Variants in LRRC32 observed in about 807,000 individuals in gnomAD.
LRRC32 encodes transforming growth factor beta activator LRRC32.
Under a neutral mutation model 15.0 loss-of-function variants are expected in LRRC32, and 5 were observed. That is an observed-to-expected ratio of 0.33 (90% CI 0.17 to 0.70). LRRC32 has a LOEUF of 0.70. Among genes scored for constraint, LRRC32 ranks in the 30% least tolerant of loss-of-function variants. LRRC32 has a pLI of 0.66. For synonymous variants in LRRC32, 391 were observed against 403.9 expected (o/e 0.97, Z 0.38); for missense variants, 803 against 854.2 (o/e 0.94, Z 0.75).
chr11:76,664,135 G>C (rs972364459), intron 2 of LRRC32, among the ~76,000 whole-genome samples: 1 of 152,192 alleles, frequency 6.6e-6, no homozygotes, highest in African/African-American at 2.4e-5. Context: ...GATAGGCAAA[G>C]GCTCCCTGGG....
chr11:76,668,509 G>A (rs2120112927), intron 1 of LRRC32, among the ~76,000 whole-genome samples: 1 of 152,242 alleles, frequency 6.6e-6, no homozygotes. Flanking sequence ...CCACATTCCA[G>A]CTTTCCTGCT....
At chr11:76,666,887 G>A (rs111656272) in intron 1 of LRRC32, among the ~76,000 whole-genome samples, 4 of 152,334 alleles carry the variant, frequency 2.6e-5, no homozygotes, top group African/African-American at 9.6e-5. Flanking sequence ...AAATGAACAC[G>A]AAAAAGAAGT....
chr11:76,667,115 T>A (rs1952638316), intron 1 of LRRC32, among the ~76,000 whole-genome samples: 1 of 152,272 alleles, frequency 6.6e-6, no homozygotes, highest in South Asian at 2.1e-4. Context: ...TCAAACGAGA[T>A]GCCACCTACA....
At position 76,659,813 on chromosome 11, in the gene LRRC32, C is replaced by T. The variant is rs200290754; in HGVS notation, c.1780G>A (p.Ala594Thr). Residue 594 changes from alanine (A) to threonine (T), a missense_variant, in exon 3 of 3, where the codon GCC becomes ACC. Coordinates refer to ENST00000260061, the MANE Select transcript of LRRC32 (RefSeq NM_001128922.2). ...AAGCGGCAGATCAGGTCCTGGGTGG[C>T]GTCCACGTCCACACGGCCCTGGTGC... ...QLHQGRVDVDATQDLICRFSS... is the reference protein window; with the variant it reads ...QLHQGRVDVDTTQDLICRFSS... 2.0e-5 allele frequency: 33 copies of T among 1,614,080 alleles called. No homozygotes were observed. The East Asian group carries it at 2.7e-4, about 13-fold the overall frequency.
Position 76,661,101 on chromosome 11 carries a change from G to C in LRRC32, c.492C>G (p.Leu164=), listed in dbSNP as rs1324035161. The part of the protein sequence containing the change: ...LSLAENSLTR[L]TRHTFRDMPA... ...GCATGTCCCGGAAGGTGTGGCGGGT[G>C]AGGCGAGTCAGACTGTTCTCCGCCA... The change falls in exon 3 of 3, where the codon CTC becomes CTG. Residue 164 remains leucine, a synonymous_variant. Transcript: ENST00000260061. The C allele has an allele frequency of 6.2e-7, 1 of 1,613,850 alleles. No individual in the cohort carries two copies. The highest frequency in any genetic ancestry group is 8.5e-7 in the Non-Finnish European group (1 of 1,180,024).
chr11:76,659,011 AG>A lies in LRRC32; in HGVS notation c.*592del, dbSNP rs762251037. The A allele has an allele frequency of 5.8e-5, 9 of 154,644 alleles. No homozygotes were observed. Among genetic ancestry groups the A allele is most frequent in the Non-Finnish European group, 1.1e-4 (8 of 69,580 alleles). The allele number at this position is 154,644 out of a possible 1,614,324, so 9.6% of individuals were successfully genotyped here. A position where few individuals can be genotyped will look rare whatever the true frequency, so the allele number is the denominator to read the frequency against. On this transcript the variant is annotated 3_prime_UTR_variant, in exon 3 of 3. Transcript: ENST00000260061. ...GCTCCAATTCTCTCTTCTGGTCCTAAGCTTTTCATTTTCAGAGAGACTGAAA... is the reference window on the plus strand; with the variant it reads ...GCTCCAATTCTCTCTTCTGGTCCTAACTTTTCATTTTCAGAGAGACTGAAA...
Position 76,670,742 on chromosome 11 carries a change from C to G in LRRC32, c.-133G>C, listed in dbSNP as rs1235293998. The stretch of plus-strand genomic sequence containing the variant: ...GAGGAGGAGCAGGCCGCTCAGCTGC[C>G]CCACCGGAGCCCCCGCGCTCCGGCT... On this transcript the variant is annotated 5_prime_UTR_variant, in exon 1 of 3. Coordinates refer to ENST00000260061, the MANE Select transcript of LRRC32 (RefSeq NM_001128922.2). 1 of 152,174 alleles carries G rather than the reference C, an allele frequency of 6.6e-6. No individual in the cohort carries two copies. Among genetic ancestry groups the G allele is most frequent in the Non-Finnish European group, 1.5e-5 (1 of 68,036 alleles). 9.4% of individuals were successfully genotyped at this position (152,174 alleles called of 1,614,324 possible).
Position 76,661,317 on chromosome 11 carries a change from G to A in LRRC32, c.276C>T (p.Ala92=). The A allele has an allele frequency of 6.2e-7, 1 of 1,614,222 alleles. No homozygotes were observed. The highest frequency in any genetic ancestry group is 8.5e-7 in the Non-Finnish European group (1 of 1,180,038). The change falls in exon 3 of 3, where the codon GCC becomes GCT. Residue 92 remains alanine, a synonymous_variant. Transcript: ENST00000260061. The part of the protein sequence containing the change: ...TNEISFLQPG[A]FQALTHLEHL... ...GCTCCAGGTGGGTCAGGGCCTGGAA[G>A]GCTCCTGGCTGGAGGAAGCTGATCT...
Position 76,659,593 on chromosome 11 carries a change from T to A in LRRC32, c.*11A>T. On this transcript the variant is annotated 3_prime_UTR_variant, in exon 3 of 3. Coordinates refer to ENST00000260061, the MANE Select transcript of LRRC32 (RefSeq NM_001128922.2). ...GGCTCCCCCACTGACCTAGAGTGTCTCCCGGCTTCTTTAGGCTTTATACTG... is the reference window on the plus strand; with the variant it reads ...GGCTCCCCCACTGACCTAGAGTGTCACCCGGCTTCTTTAGGCTTTATACTG... 6.2e-7 allele frequency: 1 copy of A among 1,611,352 alleles called. No individual in the cohort carries two copies. The highest frequency in any genetic ancestry group is 8.5e-7 in the Non-Finnish European group (1 of 1,178,320).
chr11:76,660,293 A>G lies in LRRC32; in HGVS notation c.1300T>C (p.Ser434Pro). 6.3e-7 allele frequency: 1 copy of G among 1,585,230 alleles called. No homozygotes were observed. Among genetic ancestry groups the G allele is most frequent in the Non-Finnish European group, 8.6e-7 (1 of 1,167,842 alleles). ...PCGGPDEPGP[S>P]GCVAFSGITS... Reference sequence around the variant, plus strand: ...ATGCCGGAGAAGGCCACACAGCCGGAGGGGCCAGGCTCATCTGGCCCCCCA... The same window carrying G: ...ATGCCGGAGAAGGCCACACAGCCGGGGGGGCCAGGCTCATCTGGCCCCCCA... The change falls in exon 3 of 3, where the codon TCC (serine) becomes CCC (proline). Residue 434 changes from serine to proline, a missense_variant. Ser to Pro is a moderately conservative substitution (Grantham distance 74). Transcript: ENST00000260061.
chr11:76,664,693 T>C (rs1952595259), intron 2 of LRRC32, among the ~76,000 whole-genome samples: 2 of 152,204 alleles, frequency 1.3e-5, no homozygotes, highest in African/African-American at 2.4e-5. Flanking sequence ...TGCTTTCCTA[T>C]CTCTTATCTC....
chr11:76,666,709 A>C (rs1952632539), intron 1 of LRRC32, among the ~76,000 whole-genome samples: 1 of 152,230 alleles, frequency 6.6e-6, no homozygotes, highest in Non-Finnish European at 1.5e-5. Context: ...GGCCCTTAGC[A>C]GGGTTAAATC....
In LRRC32 at chr11:76,660,557, G is replaced by A; in HGVS notation, c.1036C>T (p.Leu346Phe). The A allele has an allele frequency of 6.2e-7, 1 of 1,614,228 alleles. No individual in the cohort carries two copies. Among genetic ancestry groups the A allele is most frequent in the South Asian group, 1.1e-5 (1 of 91,082 alleles). ...AAGGTCCGCAAGCAGTTTCTGCTGA[G>A]GTTCAGGAAGCACAGGGAGGTCAGG... Reference protein sequence around the residue: ...EHLTSLCFLNLSRNCLRTFEA... With the variant: ...EHLTSLCFLNFSRNCLRTFEA... The change falls in exon 3 of 3, where the codon CTC becomes TTC. Residue 346 changes from leucine (L) to phenylalanine (F), a missense_variant. Coordinates refer to ENST00000260061, the MANE Select transcript of LRRC32 (RefSeq NM_001128922.2).
chr11:76,664,899 G>A (rs1431609857), intron 2 of LRRC32, among the ~76,000 whole-genome samples: 2 of 152,216 alleles, frequency 1.3e-5, no homozygotes, highest in Non-Finnish European at 2.9e-5. Context: ...GTGGCAACAG[G>A]AGACATTGCA....
At chr11:76,666,352 G>T (rs115474694) in intron 1 of LRRC32, among the ~76,000 whole-genome samples, 3 of 149,440 alleles carry the variant, frequency 2.0e-5, no homozygotes, top group African/African-American at 7.4e-5. Context: ...TGTAGAGGGG[G>T]TTTGGAGGGT....
rs928986783 is a variant in LRRC32 at position 76,659,518 on chromosome 11, C to G, written c.*86G>C. 1.6e-5 allele frequency: 22 copies of G among 1,412,498 alleles called. No individual in the cohort carries two copies. Among genetic ancestry groups the G allele is most frequent in the Middle Eastern group, 2.5e-4 (1 of 4,032 alleles). The allele number at this position is 1,412,498 out of a possible 1,614,324, so 87.5% of individuals were successfully genotyped here. On this transcript the variant is annotated 3_prime_UTR_variant, in exon 3 of 3. Transcript: ENST00000260061. ...ATTTGGAGACCAGAGTTCTGGGATC[C>G]CGGATCACTGTGTGACCTTGAGTCA... is the stretch of plus-strand genomic sequence containing the variant.
chr11:76,659,715 G>T lies in LRRC32; in HGVS notation c.1878C>A (p.Ile626=). Residue 626 remains isoleucine, a synonymous_variant, in exon 3 of 3, where the codon ATC becomes ATA. Transcript: ENST00000260061. The part of the protein sequence containing the change: ...EDCEKGGLKN[I]NLIIILTFIL... ...TGAAGGTGAGGATGATGATGAGGTTGATGTTCTTCAGTCCCCCCTTCTCAC... is the reference window on the plus strand; with the variant it reads ...TGAAGGTGAGGATGATGATGAGGTTTATGTTCTTCAGTCCCCCCTTCTCAC... 1.2e-6 allele frequency: 2 copies of T among 1,614,196 alleles called. No individual in the cohort carries two copies. Among genetic ancestry groups the T allele is most frequent in the Non-Finnish European group, 8.5e-7 (1 of 1,180,002 alleles).
chr11:76,659,760 G>A lies in LRRC32; in HGVS notation c.1833C>T (p.Ser611=), dbSNP rs1341779006. ...TCTCACAGTCCTCGGGACGCACGTG[G>A]CTCAGGGACACCTCCTCCTGGGAGC... ...RFSSQEEVSL[S]HVRPEDCEKG... Residue 611 remains serine (S), a synonymous_variant, in exon 3 of 3, where the codon AGC becomes AGT. Coordinates refer to ENST00000260061, the MANE Select transcript of LRRC32 (RefSeq NM_001128922.2). The A allele has an allele frequency of 6.2e-7, 1 of 1,614,128 alleles. No individual in the cohort carries two copies. Among genetic ancestry groups the A allele is most frequent in the South Asian group, 1.1e-5 (1 of 91,094 alleles).
At position 76,660,062 on chromosome 11, in the gene LRRC32, G is replaced by A. The variant is rs772290002; in HGVS notation, c.1531C>T (p.Pro511Ser). The A allele has an allele frequency of 6.8e-6, 11 of 1,614,120 alleles. No homozygotes were observed. In the South Asian group the frequency reaches 1.1e-4, roughly 16 times the overall value. The change falls in exon 3 of 3, where the codon CCC becomes TCC. Residue 511 changes from proline to serine, a missense_variant. Transcript: ENST00000260061. The part of the protein sequence containing the change: ...NGLMVLQVDL[P>S]CFICLKRLNL... ...AGCCGCTTGAGGCAGATGAAGCAGG[G>A]CAGGTCCACCTGCAGGACCATCAGC...
Sources: gnomAD v4.1 joint callset for allele counts (sites outside exome capture counted in the v4.1 genomes callset) on GRCh38, gnomAD v4.1.1 for gene constraint, MANE v1.5 for transcripts, NCBI Gene and HGNC (gene_info 2026-07-23, HGNC 2026-07-21) for gene names.